Variants in OR11A1 observed in about 807,000 individuals in gnomAD.
OR11A1 encodes olfactory receptor 11A1.
For synonymous variants in OR11A1, 158 were observed against 152.2 expected (o/e 1.04, Z -0.28); for missense variants, 380 against 378.2 (o/e 1.00, Z -0.04).
At chr6:29,437,350 A>C (rs1354918143) in intron 1 of OR11A1, among the ~76,000 whole-genome samples, 1 of 152,244 alleles carries the variant, frequency 6.6e-6, no homozygotes, top group Non-Finnish European at 1.5e-5. Context: ...ATGGAATACT[A>C]TGCAGCCATT....
At chr6:29,446,509 A>C (rs7738722) in intron 1 of OR11A1, among the ~76,000 whole-genome samples, 2 of 152,236 alleles carry the variant, frequency 1.3e-5, no homozygotes, top group African/African-American at 4.8e-5. Flanking sequence ...AACCTTCTTA[A>C]CCAATTAGAG....
intron 1 of OR11A1, among the ~76,000 whole-genome samples, chr6:29,437,273 G>C (rs2151376068): frequency 6.6e-6 from 1 of 152,272 alleles, no homozygotes; most frequent in East Asian, 1.9e-4. Flanking sequence ...CAATAGCAAA[G>C]ACTTGGAACC....
chr6:29,444,445 G>T (rs16894919), intron 1 of OR11A1, among the ~76,000 whole-genome samples: 17,760 of 152,134 alleles, frequency 0.12, 1,868 homozygotes, highest in African/African-American at 0.28. Context: ...AAACTTTACA[G>T]GACCTAGAGC....
chr6:29,435,801 A>C (rs1009894744), intron 1 of OR11A1, among the ~76,000 whole-genome samples: 2 of 152,238 alleles, frequency 1.3e-5, no homozygotes, highest in Non-Finnish European at 2.9e-5. Context: ...AGTAAATATT[A>C]TCCAGGGCAG....
rs1462791436 is a variant in OR11A1 at position 29,426,328 on chromosome 6, T to G, written c.*366A>C. The G allele has an allele frequency of 5.1e-6, 1 of 196,938 alleles. No homozygotes were observed. Among genetic ancestry groups the G allele is most frequent in the Non-Finnish European group, 1.0e-5 (1 of 97,550 alleles). The allele number at this position is 196,938 out of a possible 1,614,324, so 12.2% of individuals were successfully genotyped here. ...TCACTCATAAGTGGGAGCTAAATTA[T>G]GAAAACATATGGATACATAGAGGGG... is the stretch of plus-strand genomic sequence containing the variant. On this transcript the variant is annotated 3_prime_UTR_variant, in exon 5 of 5. Coordinates refer to ENST00000377149, the MANE Select transcript of OR11A1 (RefSeq NM_001394828.1).
At chr6:29,443,843 G>T (rs1253031990) in intron 1 of OR11A1, among the ~76,000 whole-genome samples, 1 of 151,964 alleles carries the variant, frequency 6.6e-6, no homozygotes, top group Non-Finnish European at 1.5e-5. Flanking sequence ...GGTCTCACTT[G>T]CTGTTGTTGT....
chr6:29,455,514 A>C (rs1239223853), intron 1 of OR11A1, among the ~76,000 whole-genome samples: 1 of 152,194 alleles, frequency 6.6e-6, no homozygotes, highest in Non-Finnish European at 1.5e-5. Context: ...ATATACTGGA[A>C]ATTTCTAAGA....
At chr6:29,435,654 A>G (rs1246422885) in intron 1 of OR11A1, among the ~76,000 whole-genome samples, 2 of 152,240 alleles carry the variant, frequency 1.3e-5, no homozygotes, top group African/African-American at 4.8e-5. Flanking sequence ...AGGATTAACA[A>G]TATATTTTAA....
chr6:29,428,601 A>G (rs1783025695), intron 4 of OR11A1: 1 of 163,406 alleles, frequency 6.1e-6, no homozygotes, highest in African/African-American at 2.4e-5. Context: ...TAAAAATACA[A>G]AAAAAATTAG....
rs932012133 is a variant in OR11A1, at chr6:29,431,873, C to T, written c.-274G>A. 6 of 985,228 alleles carry T rather than the reference C, an allele frequency of 6.1e-6. No homozygotes were observed. Among genetic ancestry groups the T allele is most frequent in the Non-Finnish European group, 7.2e-6 (6 of 829,896 alleles). 61.0% of individuals were successfully genotyped at this position (985,228 alleles called of 1,614,324 possible). ...ACAAAAATAAACGTACCCGAAATAT[C>T]GACCCTGTTCTCTAAAGACAGGACT... On this transcript the variant is annotated 5_prime_UTR_variant, in exon 2 of 5. Coordinates refer to ENST00000377149, the MANE Select transcript of OR11A1 (RefSeq NM_001394828.1).
Position 29,428,756 on chromosome 6 carries a change from CAAAAAAAAAAAAAAAA to C in OR11A1, c.-92+141_-92+156del, listed in dbSNP as rs11424255. Among the ~76,000 whole-genome samples, 24 of 47,886 alleles carry C rather than the reference CAAAAAAAAAAAAAAAA, an allele frequency of 5.0e-4. No individual in the cohort carries two copies. The South Asian group carries it at 9.2e-3, about 18-fold the overall frequency. The allele number at this position is 47,886 out of a possible 152,430, so 31.4% of individuals were successfully genotyped here. On this transcript the variant is annotated intron_variant, in intron 4 of 4. Coordinates refer to ENST00000377149, the MANE Select transcript of OR11A1 (RefSeq NM_001394828.1). ...TGGGCAATAGAACGAAACTCCATCT[CAAAAAAAAAAAAAAAA>C]AAAAAAAAAAAAAGAGTTGGCCAGG...
rs749545497 is a variant in OR11A1 at position 29,440,687 on chromosome 6, C to A, written c.-388-8700G>T. 5 of 1,614,172 alleles carry A rather than the reference C, an allele frequency of 3.1e-6. No homozygotes were observed. The South Asian group carries it at 5.5e-5, about 18-fold the overall frequency. On this transcript the variant is annotated intron_variant, in intron 1 of 4. Coordinates refer to ENST00000377149, the MANE Select transcript of OR11A1 (RefSeq NM_001394828.1). ...CCTACGGGCGTATCCTCGTTACCAT[C>A]TTCCGGATCCCATCTGTTGCGGGCC...
chr6:29,435,002 T>C (rs1307086980), intron 1 of OR11A1, among the ~76,000 whole-genome samples: 2 of 152,246 alleles, frequency 1.3e-5, no homozygotes, highest in African/African-American at 2.4e-5. Flanking sequence ...TGGATCAGTA[T>C]AACAGCATAT....
chr6:29,428,688 C>T (rs1287207403), intron 4 of OR11A1, among the ~76,000 whole-genome samples: 1 of 131,884 alleles, frequency 7.6e-6, no homozygotes. Context: ...ACTCAGGAGG[C>T]GGAGCTTGCA....
rs1782957249 is a variant in OR11A1, at chr6:29,427,844, C to T, written c.-91-112G>A. On this transcript the variant is annotated intron_variant, in intron 4 of 4. Coordinates refer to ENST00000377149, the MANE Select transcript of OR11A1 (RefSeq NM_001394828.1). Reference sequence around the variant, plus strand: ...TTGTCATTCCTTCCTCAACTCTCATCCTTCCCTGCCTTCCTTAATTGTGCA... The same window carrying T: ...TTGTCATTCCTTCCTCAACTCTCATTCTTCCCTGCCTTCCTTAATTGTGCA... 9.4e-6 allele frequency: 7 copies of T among 747,662 alleles called. No homozygotes were observed. In the African/African-American group the frequency reaches 1.2e-4, roughly 13 times the overall value. The allele number at this position is 747,662 out of a possible 1,614,324, so 46.3% of individuals were successfully genotyped here.
intron 1 of OR11A1, among the ~76,000 whole-genome samples, chr6:29,444,238 T>C (rs908592136): frequency 6.6e-6 from 1 of 152,220 alleles, no homozygotes; most frequent in Non-Finnish European, 1.5e-5. Flanking sequence ...ACTATCCATG[T>C]AAGATGTGAT....
At chr6:29,441,595 T>A (rs922301275) in intron 1 of OR11A1, among the ~76,000 whole-genome samples, 4 of 152,194 alleles carry the variant, frequency 2.6e-5, no homozygotes, top group Non-Finnish European at 5.9e-5. Flanking sequence ...TGAGCCTTAA[T>A]TTTTTTAAAT....
At chr6:29,441,109 G>A in intron 1 of OR11A1, 2 of 599,342 alleles carry the variant, frequency 3.3e-6, no homozygotes, top group South Asian at 2.1e-5. Context: ...AGTCAAATGC[G>A]CTCCTCAGAC....
At chr6:29,454,892 C>T (rs1334901172) in intron 1 of OR11A1, among the ~76,000 whole-genome samples, 1 of 148,306 alleles carries the variant, frequency 6.7e-6, no homozygotes, top group African/African-American at 2.6e-5. Flanking sequence ...AAAAAGCAGC[C>T]ATTTTTTTTA....
Sources: gnomAD v4.1 joint callset for allele counts (sites outside exome capture counted in the v4.1 genomes callset) on GRCh38, gnomAD v4.1.1 for gene constraint, MANE v1.5 for transcripts, NCBI Gene and HGNC (gene_info 2026-07-23, HGNC 2026-07-21) for gene names.